Variants in TET2 observed in about 807,000 individuals in gnomAD.
TET2 encodes tet methylcytosine dioxygenase 2, also known as methylcytosine dioxygenase TET2.
TET2 carries 299 observed loss-of-function variants against 142.9 expected under a neutral mutation model. That is an observed-to-expected ratio of 2.09 (90% CI 1.90 to 2.30). The LOEUF (loss-of-function observed/expected upper bound fraction) is 2.30. TET2 is among the 30% of genes most tolerant of loss of function. The pLI is 0.00. For synonymous variants in TET2, 819 were observed against 849.0 expected (o/e 0.96, Z 0.61); for missense variants, 2,418 against 2,378.0 (o/e 1.02, Z -0.35).
chr4:105,156,752 A>T lies in TET2; in HGVS notation c.-193+9773A>T, dbSNP rs150159876. Among the ~76,000 whole-genome samples, 478 of 152,302 alleles carry T rather than the reference A, an allele frequency of 3.1e-3. 5 individuals are homozygous for T. Among genetic ancestry groups the T allele is most frequent in the African/African-American group, 7.7e-3 (320 of 41,564 alleles). ...CTTACCTGTCTGCACTAAGAAGGGC[A>T]CCCATTAAATACCATAATTATTAGT... is the stretch of plus-strand genomic sequence containing the variant. On this transcript the variant is annotated intron_variant, in intron 1 of 10. Transcript: ENST00000380013.
In TET2 at chr4:105,234,131, A is replaced by G. The variant is rs763540829; in HGVS notation, c.189A>G (p.Ile63Met). 1 of 1,614,186 alleles carries G rather than the reference A, an allele frequency of 6.2e-7. No individual in the cohort carries two copies. The highest frequency in any genetic ancestry group is 1.1e-5 in the South Asian group (1 of 91,084). Residue 63 changes from isoleucine (I) to methionine (M), a missense_variant, in exon 3 of 11, where the codon ATA (isoleucine) becomes ATG (methionine). Ile to Met is a conservative substitution (Grantham distance 10, BLOSUM62 1). Transcript: ENST00000380013. ...ACTCTTTCAAAAGTTATTATGGAATACCCTGTATGAAGGGAAGCCAGAATA... is the reference window on the plus strand; with the variant it reads ...ACTCTTTCAAAAGTTATTATGGAATGCCCTGTATGAAGGGAAGCCAGAATA... ...KWHSFKSYYG[I>M]PCMKGSQNSR...
chr4:105,148,855 T>G (rs1371488623), intron 1 of TET2, among the ~76,000 whole-genome samples: 1 of 152,190 alleles, frequency 6.6e-6, no homozygotes, highest in Non-Finnish European at 1.5e-5. Flanking sequence ...TAATAGATAT[T>G]TCTCCATAAG....
At chr4:105,205,387 C>A (rs933688134) in intron 2 of TET2, among the ~76,000 whole-genome samples, 6 of 152,102 alleles carry the variant, frequency 3.9e-5, no homozygotes, top group African/African-American at 1.4e-4. Context: ...AGAAAATTTT[C>A]TTTGTCAGGA....
intron 7 of TET2, among the ~76,000 whole-genome samples, chr4:105,260,092 A>G (rs1317323344): frequency 6.6e-6 from 1 of 152,152 alleles, no homozygotes; most frequent in African/African-American, 2.4e-5. Flanking sequence ...TTACATAAGT[A>G]CTACATTCAG....
chr4:105,178,649 A>G (rs764335145), intron 1 of TET2, among the ~76,000 whole-genome samples: 1 of 152,154 alleles, frequency 6.6e-6, no homozygotes, highest in Non-Finnish European at 1.5e-5. Context: ...ATAATGGGGA[A>G]GGTTGTGGGT....
chr4:105,165,259 C>T (rs974288509), intron 1 of TET2, among the ~76,000 whole-genome samples: 7 of 152,076 alleles, frequency 4.6e-5, no homozygotes. Context: ...GCCTGTAATT[C>T]CAGCCACTCA....
intron 2 of TET2, among the ~76,000 whole-genome samples, chr4:105,204,557 C>T (rs568192569): frequency 2.0e-5 from 3 of 152,172 alleles, no homozygotes; most frequent in Admixed American, 1.3e-4. Context: ...TTAAGAGTTA[C>T]GTTTCTTGGA....
intron 2 of TET2, among the ~76,000 whole-genome samples, chr4:105,196,691 A>G (rs1022402480): frequency 2.0e-5 from 3 of 152,132 alleles, no homozygotes; most frequent in Non-Finnish European, 2.9e-5. Context: ...TCATAAGGGA[A>G]GCTTCATATT....
rs1560541519 is a variant in TET2 at position 105,234,677 on chromosome 4, C to T, written c.735C>T (p.Thr245=). The change falls in exon 3 of 11, where the codon ACC becomes ACT. Residue 245 remains threonine (T), a synonymous_variant. Transcript: ENST00000380013. ...PDCVSIAVQK[T]TSHINAINSQ... ...GTGTTTCCATTGCGGTGCAGAAAAC[C>T]ACATCTCACATAAATGCCATTAACA... The T allele has an allele frequency of 6.2e-7, 1 of 1,613,874 alleles. No individual in the cohort carries two copies. Among genetic ancestry groups the T allele is most frequent in the Non-Finnish European group, 8.5e-7 (1 of 1,180,000 alleles).
At chr4:105,241,938 CTTTTT>C (rs11284258) in intron 4 of TET2, 9 of 1,158,752 alleles carry the variant, frequency 7.8e-6, no homozygotes, top group Non-Finnish European at 1.1e-6. Flanking sequence ...TTACAGCTGC[CTTTTT>C]TTTTTTTTTT....
Position 105,277,323 on chromosome 4 carries a change from G to A in TET2, c.*804G>A, listed in dbSNP as rs990459084. On this transcript the variant is annotated 3_prime_UTR_variant, in exon 11 of 11. Transcript: ENST00000380013. The stretch of plus-strand genomic sequence containing the variant: ...ATTTTGCTCATCCAGTGAAGTCCTT[G>A]TAGGACAATAAACGTATATATGTAC... 4.4e-6 allele frequency: 1 copy of A among 225,182 alleles called. No homozygotes were observed. Among genetic ancestry groups the A allele is most frequent in the African/African-American group, 2.2e-5 (1 of 44,902 alleles). 13.9% of individuals were successfully genotyped at this position (225,182 alleles called of 1,614,324 possible). A position where few individuals can be genotyped will look rare whatever the true frequency, so the allele number is the denominator to read the frequency against.
At chr4:105,272,960 G>A (rs1194796220) in intron 10 of TET2, 42 bp downstream of exon 10, 5 of 1,435,276 alleles carry the variant, frequency 3.5e-6, no homozygotes, top group Non-Finnish European at 4.6e-6. Flanking sequence ...TGTGTTGTGT[G>A]GTATATTAAA....
chr4:105,234,884 T>C lies in TET2; in HGVS notation c.942T>C (p.Cys314=), dbSNP rs1343660152. The C allele has an allele frequency of 6.2e-7, 1 of 1,614,098 alleles. No individual in the cohort carries two copies. The highest frequency in any genetic ancestry group is 2.2e-5 in the East Asian group (1 of 44,840). ...AACTAGCTGCAATGCTAAATACCTG[T>C]TCCTTTCAGAAACCAGAACAACTAC... ...ASKLAAMLNT[C]SFQKPEQLQQ... The change falls in exon 3 of 11, where the codon TGT becomes TGC. Residue 314 remains cysteine, a synonymous_variant. Coordinates refer to ENST00000380013, the MANE Select transcript of TET2 (RefSeq NM_001127208.3).
chr4:105,210,151 T>A (rs1440339835), intron 2 of TET2, among the ~76,000 whole-genome samples: 1 of 152,148 alleles, frequency 6.6e-6, no homozygotes. Flanking sequence ...TTGAAGTGCC[T>A]ATGGGACATA....
At position 105,236,910 on chromosome 4, in the gene TET2, C is replaced by CCAGGTTCCAATT; in HGVS notation, c.2968_2969insCAGGTTCCAATT (p.His990delinsProGlySerAsnTyr). Reference sequence around the variant, plus strand: ...TAAGGTGGAACCTGGATGCAAGCCACATGCCTGTATGCACACAGCACCACC... The same window carrying CCAGGTTCCAATT: ...TAAGGTGGAACCTGGATGCAAGCCACCAGGTTCCAATTATGCCTGTATGCACACAGCACCACC... On this transcript the variant is annotated protein_altering_variant, in exon 3 of 11. Transcript: ENST00000380013. 1 of 1,614,116 alleles carries CCAGGTTCCAATT rather than the reference C, an allele frequency of 6.2e-7. No individual in the cohort carries two copies. The highest frequency in any genetic ancestry group is 8.5e-7 in the Non-Finnish European group (1 of 1,180,024).
rs141259428 is a variant in TET2 at position 105,149,825 on chromosome 4, G to T, written c.-193+2846G>T. Among the ~76,000 whole-genome samples the T allele has an allele frequency of 1.9e-4, 29 of 152,272 alleles. No homozygotes were observed. In the East Asian group the frequency reaches 5.6e-3, roughly 29 times the overall value. On this transcript the variant is annotated intron_variant, in intron 1 of 10. Coordinates refer to ENST00000380013, the MANE Select transcript of TET2 (RefSeq NM_001127208.3). ...CCGGAGGAATTGATATGATTTTGAG[G>T]CAGTGGCACATGGTCCTACTAGACA...
At chr4:105,164,222 T>C (rs1297671184) in intron 1 of TET2, among the ~76,000 whole-genome samples, 2 of 152,166 alleles carry the variant, frequency 1.3e-5, no homozygotes, top group Non-Finnish European at 2.9e-5. Flanking sequence ...GCAACCACCA[T>C]GTTACTCTCT....
chr4:105,234,273 A>T lies in TET2; in HGVS notation c.331A>T (p.Lys111Ter). The T allele has an allele frequency of 6.2e-7, 1 of 1,614,076 alleles. No individual in the cohort carries two copies. The highest frequency in any genetic ancestry group is 8.5e-7 in the Non-Finnish European group (1 of 1,180,006). The change falls in exon 3 of 11, where the codon AAA (lysine) becomes TAA (stop). Residue 111 changes from lysine (K) to a stop codon, truncating the protein, a stop_gained. Coordinates refer to ENST00000380013, the MANE Select transcript of TET2 (RefSeq NM_001127208.3). LOFTEE classifies it high-confidence loss of function. ...TCTCTCTGGGCTCCTTCAGATCAAG[A>T]AATTGAAACAAGACCAAAAGGCTAA... ...PSLSGLLQIK[K>*]LKQDQKANGE...
intron 2 of TET2, among the ~76,000 whole-genome samples, chr4:105,208,454 A>C (rs1349064182): frequency 6.6e-6 from 1 of 152,166 alleles, no homozygotes; most frequent in Non-Finnish European, 1.5e-5. Context: ...TCAAACTAGG[A>C]AACTGTAGCT....
Sources: allele counts gnomAD v4.1 joint callset (sites outside exome capture counted in the v4.1 genomes callset), GRCh38; gene constraint gnomAD v4.1.1; transcripts MANE v1.5; gene names NCBI Gene and HGNC (gene_info 2026-07-23, HGNC 2026-07-21).